The following PCBP2 variants were observed in gnomAD, a reference collection of about 807,000 sequenced individuals.
The protein encoded by PCBP2 is poly(rC)-binding protein 2.
PCBP2 carries 4 observed loss-of-function variants against 50.1 expected under a neutral mutation model. The observed-to-expected ratio is 0.08, with a 90% confidence interval of 0.04 to 0.18. PCBP2 has a LOEUF of 0.18. Ranked by LOEUF, PCBP2 falls within the 10% of genes least tolerant of loss-of-function variation. The pLI is 1.00. For synonymous variants in PCBP2, 179 were observed against 168.0 expected (o/e 1.07, Z -0.51); for missense variants, 161 against 474.3 (o/e 0.34, Z 6.14).
intron 14 of PCBP2, chr12:53,475,007 C>T (rs1221331222): frequency 1.3e-5 from 6 of 456,606 alleles, no homozygotes; most frequent in South Asian, 9.3e-5. Flanking sequence ...CAGCGGGGAC[C>T]TCCGACGCAC....
chr12:53,459,139 C>T (rs565192167), intron 5 of PCBP2, 133 bp from the exon 6 acceptor site: 16 of 618,624 alleles, frequency 2.6e-5, no homozygotes, highest in African/African-American at 2.4e-4. Context: ...GGTATTTGAA[C>T]CTTTTGTCTA....
In PCBP2 at chr12:53,470,824, C is replaced by T. The variant is rs976622371; in HGVS notation, c.883-814C>T. Among the ~76,000 whole-genome samples the T allele has an allele frequency of 8.1e-5, 12 of 147,292 alleles. No homozygotes were observed. The East Asian group carries it at 1.8e-3, about 22-fold the overall frequency. On this transcript the variant is annotated intron_variant, in intron 13 of 14. Coordinates refer to ENST00000546463, the MANE Select transcript of PCBP2 (RefSeq NM_031989.5). ...CTTAGGAATTGGCCAGAATTCTTGT[C>T]GGTATAGGAGGGTGGTAATCATGGC... is the stretch of plus-strand genomic sequence containing the variant.
intron 14 of PCBP2, among the ~76,000 whole-genome samples, chr12:53,474,249 C>G (rs1489478572): frequency 1.3e-5 from 2 of 152,206 alleles, no homozygotes; most frequent in East Asian, 1.9e-4. Context: ...TAGTTCTTAT[C>G]TACACTTCTG....
Position 53,454,876 on chromosome 12 carries a change from T to C in PCBP2, c.69+7T>C. On this transcript the variant is annotated splice_region_variant and intron_variant, in intron 2 of 14. Transcript: ENST00000546463. ...GCTACTTATGCATGGAAAGGTATGCTCTAGCTTGGGAAATGGGGTCATAGT... is the reference window on the plus strand; with the variant it reads ...GCTACTTATGCATGGAAAGGTATGCCCTAGCTTGGGAAATGGGGTCATAGT... 6.2e-7 allele frequency: 1 copy of C among 1,612,954 alleles called. No homozygotes were observed. The highest frequency in any genetic ancestry group is 8.5e-7 in the Non-Finnish European group (1 of 1,178,912).
At chr12:53,473,680 C>T (rs535619302) in intron 14 of PCBP2, among the ~76,000 whole-genome samples, 1 of 152,132 alleles carries the variant, frequency 6.6e-6, no homozygotes, top group East Asian at 1.9e-4. Context: ...TTCAAAGCTT[C>T]ATCTAACACC....
At chr12:53,463,178 A>G (rs187807717) in intron 8 of PCBP2, among the ~76,000 whole-genome samples, 1 of 152,254 alleles carries the variant, frequency 6.6e-6, no homozygotes, top group Admixed American at 6.5e-5. Context: ...TGGTGCCGTG[A>G]CCTTTGGTGT....
intron 13 of PCBP2, among the ~76,000 whole-genome samples, chr12:53,469,230 G>A (rs1942031244): frequency 6.6e-6 from 1 of 151,828 alleles, no homozygotes; most frequent in Admixed American, 6.6e-5. Flanking sequence ...TAAGCCCTAG[G>A]GAAAGAAACT....
At chr12:53,457,249 T>A (rs1941097945) in intron 5 of PCBP2, among the ~76,000 whole-genome samples, 1 of 152,094 alleles carries the variant, frequency 6.6e-6, no homozygotes, top group Non-Finnish European at 1.5e-5. Flanking sequence ...GATGGGAGCT[T>A]GTTATGTTTC....
intron 1 of PCBP2, among the ~76,000 whole-genome samples, chr12:53,453,787 C>T (rs559590891): frequency 1.3e-5 from 2 of 152,284 alleles, no homozygotes; most frequent in East Asian, 1.9e-4. Context: ...AACAAATTTT[C>T]TTTCTACACA....
intron 14 of PCBP2, chr12:53,475,762 T>G (rs1387386190): frequency 6.6e-6 from 1 of 152,204 alleles, no homozygotes; most frequent in Non-Finnish European, 1.5e-5. Flanking sequence ...CCAAGTGAAT[T>G]TTATAGTCGT....
intron 6 of PCBP2, chr12:53,460,016 C>T (rs942002368): frequency 9.5e-6 from 3 of 314,260 alleles, no homozygotes; most frequent in Non-Finnish European, 2.0e-5. Context: ...ACCTCAGGCT[C>T]CCAGTGTTAT....
intron 13 of PCBP2, 102 bp downstream of exon 13, chr12:53,468,934 TTTA>T: frequency 2.1e-6 from 2 of 932,018 alleles, no homozygotes; most frequent in Non-Finnish European, 3.3e-6. Flanking sequence ...TTTTTTTTTT[TTTA>T]AACAGCCCAG....
intron 6 of PCBP2, chr12:53,460,136 A>G: frequency 4.2e-6 from 1 of 236,808 alleles, no homozygotes; most frequent in Admixed American, 5.2e-5. Context: ...AATAGATGTA[A>G]TTCTACATCT....
intron 8 of PCBP2, among the ~76,000 whole-genome samples, chr12:53,463,236 C>T (rs1420952828): frequency 2.0e-5 from 3 of 152,160 alleles, no homozygotes; most frequent in Non-Finnish European, 4.4e-5. Context: ...GCTCCTTCCT[C>T]ATCAACCTAA....
chr12:53,478,977 T>C (rs1328826875), intron 14 of PCBP2, among the ~76,000 whole-genome samples: 1 of 152,160 alleles, frequency 6.6e-6, no homozygotes, highest in African/African-American at 2.4e-5. Context: ...CATTAAACCC[T>C]TGAGACTACT....
At chr12:53,470,727 T>A (rs1942168122) in intron 13 of PCBP2, among the ~76,000 whole-genome samples, 2 of 151,748 alleles carry the variant, frequency 1.3e-5, no homozygotes, top group South Asian at 4.2e-4. Flanking sequence ...GGGTCATATT[T>A]TTTACAGTAT....
At chr12:53,457,953 A>G (rs1454953786) in intron 5 of PCBP2, among the ~76,000 whole-genome samples, 1 of 152,100 alleles carries the variant, frequency 6.6e-6, no homozygotes, top group Non-Finnish European at 1.5e-5. Context: ...TTTGAGACGG[A>G]GTTTCCTCCT....
At chr12:53,457,664 A>G (rs898782874) in intron 5 of PCBP2, among the ~76,000 whole-genome samples, 2 of 151,882 alleles carry the variant, frequency 1.3e-5, no homozygotes, top group Non-Finnish European at 2.9e-5. Flanking sequence ...ATTAAATTTT[A>G]TTTTTTTGAA....
rs1182604601 is a variant in PCBP2 at position 53,476,298 on chromosome 12, G to C, written c.1053-3108G>C. 5.3e-5 allele frequency among the ~76,000 whole-genome samples: 8 copies of C among 152,290 alleles called. No homozygotes were observed. In the South Asian group the frequency reaches 1.7e-3, roughly 32 times the overall value. ...AGGAACCTTAAGGATCAACTAATCT[G>C]TAACACATTGATCCCCTCATTTTAC... On this transcript the variant is annotated intron_variant, in intron 14 of 14. Coordinates refer to ENST00000546463, the MANE Select transcript of PCBP2 (RefSeq NM_031989.5).
Sources: gnomAD v4.1 joint callset for allele counts (sites outside exome capture counted in the v4.1 genomes callset) on GRCh38, gnomAD v4.1.1 for gene constraint, MANE v1.5 for transcripts, NCBI Gene and HGNC (gene_info 2026-07-23, HGNC 2026-07-21) for gene names.